Variants in KCNIP4 observed in about 807,000 individuals in gnomAD.
KCNIP4 encodes Kv channel-interacting protein 4.
A neutral mutation model predicts 34.0 loss-of-function variants in KCNIP4; 12 were observed. That is an observed-to-expected ratio of 0.35 (90% CI 0.23 to 0.57). The LOEUF (loss-of-function observed/expected upper bound fraction) is 0.57. Among genes scored for constraint, KCNIP4 ranks in the 20% least tolerant of loss-of-function variants. KCNIP4 has a pLI of 0.83. For missense variants in KCNIP4, 238 were observed against 311.7 expected (o/e 0.76, Z 1.78); for synonymous variants, 124 against 102.2 (o/e 1.21, Z -1.29).
chr4:21,217,757 G>A (rs1273074791), intron 1 of KCNIP4, among the ~76,000 whole-genome samples: 2 of 152,078 alleles, frequency 1.3e-5, no homozygotes, highest in African/African-American at 4.8e-5. Flanking sequence ...TTAACAGAAG[G>A]AAAATGACAA....
chr4:21,152,477 G>C (rs1483420188), intron 1 of KCNIP4, among the ~76,000 whole-genome samples: 1 of 151,218 alleles, frequency 6.6e-6, no homozygotes, highest in East Asian at 1.9e-4. Context: ...TTCTATCACT[G>C]CCCCACCAAA....
intron 1 of KCNIP4, among the ~76,000 whole-genome samples, chr4:21,009,324 T>C (rs927215972): frequency 5.9e-5 from 9 of 152,214 alleles, no homozygotes; most frequent in Non-Finnish European, 1.0e-4. Context: ...TTTGGATGGC[T>C]TTGCAAGTGA....
intron 1 of KCNIP4, among the ~76,000 whole-genome samples, chr4:21,915,086 C>A (rs1398838): frequency 0.25 from 37,815 of 152,010 alleles, 5,590 homozygotes; most frequent in East Asian, 0.61. Flanking sequence ...GGTGCTGTAG[C>A]GGCACAGAGA....
chr4:21,813,940 T>G (rs1472545489), intron 1 of KCNIP4, among the ~76,000 whole-genome samples: 3 of 152,164 alleles, frequency 2.0e-5, no homozygotes, highest in Non-Finnish European at 4.4e-5. Context: ...GAATTAAATA[T>G]GATACCAAAA....
intron 1 of KCNIP4, among the ~76,000 whole-genome samples, chr4:21,742,881 A>T (rs571718559): frequency 6.6e-6 from 1 of 152,214 alleles, no homozygotes; most frequent in Non-Finnish European, 1.5e-5. Flanking sequence ...TTAGAAGGAT[A>T]TCTCGGGGTA....
At chr4:21,612,335 C>T (rs1451292289) in intron 1 of KCNIP4, among the ~76,000 whole-genome samples, 1 of 152,156 alleles carries the variant, frequency 6.6e-6, no homozygotes, top group African/African-American at 2.4e-5. Context: ...AATAACGTCA[C>T]ACTCAGTGGC....
chr4:21,878,009 A>G (rs1029217326), intron 1 of KCNIP4, among the ~76,000 whole-genome samples: 6 of 152,170 alleles, frequency 3.9e-5, no homozygotes, highest in African/African-American at 9.7e-5. Flanking sequence ...AGGCCCATGG[A>G]AACTTACACT....
intron 1 of KCNIP4, among the ~76,000 whole-genome samples, chr4:21,425,134 C>A (rs188495626): frequency 6.6e-6 from 1 of 152,232 alleles, no homozygotes; most frequent in African/African-American, 2.4e-5. Context: ...TCTATTTTTA[C>A]TTGACCTTTG....
chr4:20,967,448 C>T (rs1283453722), intron 1 of KCNIP4, among the ~76,000 whole-genome samples: 1 of 152,066 alleles, frequency 6.6e-6, no homozygotes, highest in Non-Finnish European at 1.5e-5. Context: ...TCATATGGAA[C>T]CAAAAAAGAG....
chr4:21,138,399 T>C (rs1484260632), intron 1 of KCNIP4, among the ~76,000 whole-genome samples: 2 of 152,200 alleles, frequency 1.3e-5, no homozygotes, highest in Non-Finnish European at 2.9e-5. Flanking sequence ...CATGCTGTGG[T>C]CTTTCTGTCT....
At chr4:21,524,172 C>T (rs778705364) in intron 1 of KCNIP4, among the ~76,000 whole-genome samples, 2 of 152,022 alleles carry the variant, frequency 1.3e-5, no homozygotes, top group Non-Finnish European at 2.9e-5. Flanking sequence ...TCTGCTCACT[C>T]CTATTTTCAC....
intron 1 of KCNIP4, among the ~76,000 whole-genome samples, chr4:21,475,036 T>A (rs532775429): frequency 1.3e-5 from 2 of 150,962 alleles, no homozygotes; most frequent in South Asian, 4.2e-4. Context: ...TAAAATAAAT[T>A]AATTAATTAA....
intron 1 of KCNIP4, among the ~76,000 whole-genome samples, chr4:21,660,044 T>C (rs984802337): frequency 1.3e-5 from 2 of 152,214 alleles, no homozygotes; most frequent in Non-Finnish European, 2.9e-5. Context: ...TCCCTCAATC[T>C]ACAATGTGCT....
intron 1 of KCNIP4, among the ~76,000 whole-genome samples, chr4:21,788,376 A>T (rs1368969160): frequency 6.6e-6 from 1 of 152,222 alleles, no homozygotes; most frequent in Non-Finnish European, 1.5e-5. Flanking sequence ...CACAAGTTTC[A>T]GCATATTCAT....
chr4:21,182,172 C>T (rs543496891), intron 1 of KCNIP4, among the ~76,000 whole-genome samples: 1 of 152,218 alleles, frequency 6.6e-6, no homozygotes, highest in Admixed American at 6.5e-5. Flanking sequence ...GGGTATTTGA[C>T]ACATTAGATG....
intron 1 of KCNIP4, among the ~76,000 whole-genome samples, chr4:21,240,960 A>T (rs1232592200): frequency 1.3e-5 from 2 of 152,252 alleles, no homozygotes; most frequent in Non-Finnish European, 2.9e-5. Context: ...TGTAATTTAT[A>T]ACACAAAAAA....
Position 21,320,964 on chromosome 4 carries a change from T to TAAAAAAAAAAA in KCNIP4, c.62-438266_62-438256dup, listed in dbSNP as rs528123961. ...TGGGCAATAGAGCAAGAATCTGTCT[T>TAAAAAAAAAAA]AAAAAAAAAAAAAAAAAAGAGGAAA... On this transcript the variant is annotated intron_variant, in intron 1 of 8. Coordinates refer to ENST00000382152, the MANE Select transcript of KCNIP4 (RefSeq NM_025221.6). Among the ~76,000 whole-genome samples the TAAAAAAAAAAA allele has an allele frequency of 1.9e-3, 199 of 102,826 alleles. 2 individuals are homozygous for TAAAAAAAAAAA. The highest frequency in any genetic ancestry group is 2.4e-3 in the Non-Finnish European group (129 of 53,290). The allele number at this position is 102,826 out of a possible 152,430, so 67.5% of individuals were successfully genotyped here.
At chr4:21,792,135 T>A (rs1247746640) in intron 1 of KCNIP4, among the ~76,000 whole-genome samples, 4 of 152,056 alleles carry the variant, frequency 2.6e-5, no homozygotes, top group African/African-American at 9.7e-5. Context: ...TGCTTATTTA[T>A]CTCTCTTGTT....
intron 1 of KCNIP4, among the ~76,000 whole-genome samples, chr4:21,361,237 A>T (rs924287653): frequency 6.6e-6 from 1 of 151,922 alleles, no homozygotes; most frequent in African/African-American, 2.4e-5. Flanking sequence ...TAGCTGATTG[A>T]CTCATTTTTT....
Sources: allele counts gnomAD v4.1 joint callset (sites outside exome capture counted in the v4.1 genomes callset), GRCh38; gene constraint gnomAD v4.1.1; transcripts MANE v1.5; gene names NCBI Gene and HGNC (gene_info 2026-07-23, HGNC 2026-07-21).